DPYS: variants seen among roughly 807,000 people sequenced by gnomAD.
DPYS encodes dihydropyrimidinase.
A neutral mutation model predicts 50.3 loss-of-function variants in DPYS; 39 were observed. That is an observed-to-expected ratio of 0.78 (90% CI 0.60 to 1.01). The LOEUF (loss-of-function observed/expected upper bound fraction) is 1.01. Among genes scored for constraint, DPYS ranks in the 50% least tolerant of loss-of-function variants. DPYS has a pLI of 0.00. For missense variants in DPYS, 659 were observed against 680.9 expected (o/e 0.97, Z 0.36); for synonymous variants, 245 against 250.7 (o/e 0.98, Z 0.22).
chr8:104,398,308 G>A (rs1215315469), intron 7 of DPYS, among the ~76,000 whole-genome samples: 1 of 152,194 alleles, frequency 6.6e-6, no homozygotes, highest in Non-Finnish European at 1.5e-5. Flanking sequence ...AGAGATTCTA[G>A]CAGCAGGATC....
chr8:104,441,593 G>T (rs1362770805), intron 4 of DPYS, among the ~76,000 whole-genome samples: 3 of 152,230 alleles, frequency 2.0e-5, no homozygotes, highest in Non-Finnish European at 4.4e-5. Context: ...TGGTGCCGAA[G>T]ATGGAGGAAG....
chr8:104,392,708 C>A, intron 8 of DPYS, 76 bp downstream of exon 8: 2 of 1,573,962 alleles, frequency 1.3e-6, no homozygotes, highest in Non-Finnish European at 1.7e-6. Flanking sequence ...ACCACTACTA[C>A]CAACAATAAC....
chr8:104,459,783 C>A (rs964655497), intron 1 of DPYS, among the ~76,000 whole-genome samples: 10 of 152,322 alleles, frequency 6.6e-5, no homozygotes, highest in African/African-American at 2.4e-4. Flanking sequence ...GACTTGGAAG[C>A]TGACACCATA....
At chr8:104,400,228 C>T (rs1393180004) in intron 7 of DPYS, among the ~76,000 whole-genome samples, 4 of 152,124 alleles carry the variant, frequency 2.6e-5, no homozygotes, top group Non-Finnish European at 4.4e-5. Context: ...AACCAAAGTC[C>T]CTGACTGATA....
chr8:104,459,983 C>G (rs1330012370), intron 1 of DPYS, among the ~76,000 whole-genome samples: 2 of 152,106 alleles, frequency 1.3e-5, no homozygotes, highest in Non-Finnish European at 2.9e-5. Flanking sequence ...GTATAACCCC[C>G]CAAATCTAGC....
At chr8:104,402,679 A>G (rs562532849) in intron 7 of DPYS, among the ~76,000 whole-genome samples, 1 of 152,326 alleles carries the variant, frequency 6.6e-6, no homozygotes, top group South Asian at 2.1e-4. Context: ...TAAAACTCAC[A>G]CAACATCCTT....
At chr8:104,382,852 C>T (rs1209997573) in intron 8 of DPYS, among the ~76,000 whole-genome samples, 1 of 152,122 alleles carries the variant, frequency 6.6e-6, no homozygotes, top group Non-Finnish European at 1.5e-5. Flanking sequence ...CAGTGAGTGC[C>T]TCTGGAGCAT....
At chr8:104,464,452 G>A (rs1214367656) in intron 1 of DPYS, among the ~76,000 whole-genome samples, 1 of 152,210 alleles carries the variant, frequency 6.6e-6, no homozygotes, top group African/African-American at 2.4e-5. Flanking sequence ...GAAAGAGAAT[G>A]AAAGCTACTG....
intron 1 of DPYS, among the ~76,000 whole-genome samples, 164 bp from the exon 2 acceptor site, chr8:104,451,568 A>G (rs1564111812): frequency 6.6e-6 from 1 of 152,226 alleles, no homozygotes; most frequent in Non-Finnish European, 1.5e-5. Flanking sequence ...GCATGAATAG[A>G]CTTTTCATAA....
intron 7 of DPYS, among the ~76,000 whole-genome samples, chr8:104,408,200 A>C (rs1165234666): frequency 6.6e-6 from 1 of 152,260 alleles, no homozygotes. Flanking sequence ...TTAGTGAACA[A>C]AGTCAATGTT....
At chr8:104,416,183 TC>T (rs1476817100) in intron 7 of DPYS, among the ~76,000 whole-genome samples, 2 of 152,156 alleles carry the variant, frequency 1.3e-5, no homozygotes, top group Middle Eastern at 3.4e-3. Flanking sequence ...ATGGTACTGC[TC>T]CCCCCCAATA....
chr8:104,445,695 A>G (rs75981974), intron 3 of DPYS, among the ~76,000 whole-genome samples: 1 of 152,148 alleles, frequency 6.6e-6, no homozygotes, highest in Non-Finnish European at 1.5e-5. Context: ...ACAAAAAAAA[A>G]GAAAGAATGA....
chr8:104,440,037 TA>T (rs1813291047), intron 4 of DPYS, among the ~76,000 whole-genome samples: 1 of 152,202 alleles, frequency 6.6e-6, no homozygotes, highest in African/African-American at 2.4e-5. Flanking sequence ...CATGAAGCAT[TA>T]TTATGACAAT....
intron 4 of DPYS, among the ~76,000 whole-genome samples, chr8:104,434,262 A>C (rs1192742290): frequency 6.6e-6 from 1 of 152,232 alleles, no homozygotes. Flanking sequence ...AAGTTTTATC[A>C]TGCAGATGAA....
rs1396049093 is a variant in DPYS, at chr8:104,379,686, G to C, written c.*172C>G. The C allele has an allele frequency of 2.4e-6, 1 of 414,384 alleles. No individual in the cohort carries two copies. The highest frequency in any genetic ancestry group is 4.8e-6 in the Non-Finnish European group (1 of 208,020). The allele number at this position is 414,384 out of a possible 1,614,324, so 25.7% of individuals were successfully genotyped here. On this transcript the variant is annotated 3_prime_UTR_variant, in exon 10 of 10. Coordinates refer to ENST00000351513, the MANE Select transcript of DPYS (RefSeq NM_001385.3). ...TTATGCAGCAACAAAAACACAGTGAGAAAGACAGCAATTGCTTCTGAAAGA... is the reference window on the plus strand; with the variant it reads ...TTATGCAGCAACAAAAACACAGTGACAAAGACAGCAATTGCTTCTGAAAGA...
At chr8:104,449,964 C>T (rs1813674893) in intron 2 of DPYS, among the ~76,000 whole-genome samples, 1 of 152,094 alleles carries the variant, frequency 6.6e-6, no homozygotes, top group Admixed American at 6.6e-5. Context: ...AAACGAATAA[C>T]CCCCCTGAAC....
chr8:104,394,641 C>T (rs36048718), intron 7 of DPYS, among the ~76,000 whole-genome samples: 1,859 of 152,010 alleles, frequency 0.012, 12 homozygotes, highest in South Asian at 0.027. Context: ...CTCCACAAAG[C>T]TGCTCAAATT....
intron 1 of DPYS, among the ~76,000 whole-genome samples, chr8:104,452,689 A>T (rs1417913398): frequency 6.6e-6 from 1 of 152,020 alleles, no homozygotes; most frequent in African/African-American, 2.4e-5. Context: ...CAAAAATGTA[A>T]AATTAGCCAG....
At chr8:104,440,876 C>A (rs1282398859) in intron 4 of DPYS, among the ~76,000 whole-genome samples, 1 of 152,146 alleles carries the variant, frequency 6.6e-6, no homozygotes, top group Non-Finnish European at 1.5e-5. Flanking sequence ...TTACATCTAT[C>A]TTGCTCTTTT....
Sources: gnomAD v4.1 joint callset for allele counts (sites outside exome capture counted in the v4.1 genomes callset) on GRCh38, gnomAD v4.1.1 for gene constraint, MANE v1.5 for transcripts, NCBI Gene and HGNC (gene_info 2026-07-23, HGNC 2026-07-21) for gene names.